RHOU: variants seen among roughly 807,000 people sequenced by gnomAD.
RHOU encodes the protein rho-related GTP-binding protein RhoU.
Under a neutral mutation model 12.6 loss-of-function variants are expected in RHOU, and 8 were observed. The ratio of observed to expected loss-of-function variants is 0.64; its 90% CI spans 0.37 to 1.15. The LOEUF is 1.15. RHOU is among the 50% of genes most tolerant of loss of function. RHOU has a pLI of 0.01. For synonymous variants in RHOU, 161 were observed against 147.4 expected (o/e 1.09, Z -0.67); for missense variants, 258 against 347.0 (o/e 0.74, Z 2.04).
the RHOU span, among the ~76,000 whole-genome samples, chr1:228,697,495 C>T: frequency 2.6e-5 from 4 of 152,204 alleles, no homozygotes; most frequent in Middle Eastern, 6.8e-3. Flanking sequence ...TCAGTAAGGC[C>T]GAGTTGCCAG....
At chr1:228,695,765 A>T in the RHOU span, among the ~76,000 whole-genome samples, 21 of 152,280 alleles carry the variant, frequency 1.4e-4, no homozygotes, top group East Asian at 3.9e-3. Context: ...AACTCTCTGA[A>T]CCCAGTCCTT....
the RHOU span, among the ~76,000 whole-genome samples, chr1:228,694,380 A>G: frequency 6.6e-6 from 1 of 152,106 alleles, no homozygotes; most frequent in African/African-American, 2.4e-5. Flanking sequence ...GGTTTGTTAC[A>G]TAGGTAAACG....
chr1:228,696,228 C>T, the RHOU span, among the ~76,000 whole-genome samples: 1 of 146,384 alleles, frequency 6.8e-6, no homozygotes, highest in African/African-American at 2.5e-5. Context: ...GAAAGGTATA[C>T]AATTAAAAAA....
At chr1:228,721,431 T>A in the RHOU span, among the ~76,000 whole-genome samples, 5 of 152,250 alleles carry the variant, frequency 3.3e-5, no homozygotes, top group Non-Finnish European at 5.9e-5. Context: ...TAATATTTTT[T>A]AAAAGGAAAT....
At chr1:228,672,151 G>A in the RHOU span, among the ~76,000 whole-genome samples, 1 of 152,178 alleles carries the variant, frequency 6.6e-6, no homozygotes, top group African/African-American at 2.4e-5. Flanking sequence ...TGATATAATT[G>A]CATTTTCATA....
chr1:228,700,888 A>G, the RHOU span, among the ~76,000 whole-genome samples: 2 of 152,048 alleles, frequency 1.3e-5, no homozygotes, highest in Non-Finnish European at 2.9e-5. Context: ...GGAGTTCAAG[A>G]TCAGCCTGGG....
the RHOU span, among the ~76,000 whole-genome samples, chr1:228,655,114 T>C: frequency 6.6e-6 from 1 of 151,834 alleles, no homozygotes; most frequent in Non-Finnish European, 1.5e-5. Context: ...TGCTTTTTTT[T>C]TTTTTTTGGA....
At chr1:228,663,248 G>C in the RHOU span, among the ~76,000 whole-genome samples, 2 of 152,170 alleles carry the variant, frequency 1.3e-5, no homozygotes, top group Non-Finnish European at 2.9e-5. Context: ...ACCTTGTGTG[G>C]TGTTCTCATT....
the RHOU span, among the ~76,000 whole-genome samples, chr1:228,672,311 G>A: frequency 2.0e-5 from 3 of 152,178 alleles, no homozygotes; most frequent in East Asian, 1.9e-4. Flanking sequence ...ACAGGTGCCC[G>A]CCACCAGACA....
chr1:228,675,548 TTA>T, the RHOU span, among the ~76,000 whole-genome samples: 1 of 152,218 alleles, frequency 6.6e-6, no homozygotes, highest in African/African-American at 2.4e-5. Flanking sequence ...TTGCATTTAT[TTA>T]TGTTTTCTTT....
chr1:228,724,933 C>G, the RHOU span, among the ~76,000 whole-genome samples: 1 of 152,186 alleles, frequency 6.6e-6, no homozygotes, highest in Non-Finnish European at 1.5e-5. Context: ...GCCTTCAACA[C>G]AAATTGATCT....
the RHOU span, among the ~76,000 whole-genome samples, chr1:228,708,054 A>G: frequency 6.6e-6 from 1 of 152,218 alleles, no homozygotes; most frequent in Non-Finnish European, 1.5e-5. Flanking sequence ...AAGAAAGGGT[A>G]TAAGTGATGG....
chr1:228,650,239 A>G, the RHOU span: 1 of 457,664 alleles, frequency 2.2e-6, no homozygotes, highest in African/African-American at 2.0e-5. Flanking sequence ...CCTGTGGAGT[A>G]CGTGGCGCTG....
At chr1:228,691,443 C>A in the RHOU span, among the ~76,000 whole-genome samples, 1 of 140,494 alleles carries the variant, frequency 7.1e-6, no homozygotes, top group African/African-American at 2.6e-5. Context: ...CAACTCCTGG[C>A]AACCACTGAT....
chr1:228,721,756 G>A, the RHOU span, among the ~76,000 whole-genome samples: 1 of 152,220 alleles, frequency 6.6e-6, no homozygotes, highest in Non-Finnish European at 1.5e-5. Context: ...CGCCACCCGG[G>A]TTCAAGAGAT....
the RHOU span, among the ~76,000 whole-genome samples, chr1:228,651,871 C>T: frequency 1.2e-3 from 179 of 152,298 alleles, no homozygotes; most frequent in Middle Eastern, 6.8e-3. Context: ...GGAAAGTAAC[C>T]CTACAGGGTT....
At chr1:228,679,562 A>G in the RHOU span, among the ~76,000 whole-genome samples, 1 of 152,028 alleles carries the variant, frequency 6.6e-6, no homozygotes, top group Non-Finnish European at 1.5e-5. Context: ...AATTTTGTTG[A>G]TAAGGCGCAG....
At chr1:228,658,503 C>T in the RHOU span, among the ~76,000 whole-genome samples, 1 of 152,168 alleles carries the variant, frequency 6.6e-6, no homozygotes, top group South Asian at 2.1e-4. Context: ...GGGGCCTTCG[C>T]TAGACACTGA....
the RHOU span, among the ~76,000 whole-genome samples, chr1:228,683,423 G>A: frequency 6.6e-5 from 10 of 152,184 alleles, no homozygotes; most frequent in South Asian, 2.1e-4. Flanking sequence ...TTAGGAGATA[G>A]GATCAGGTAG....
Sources: gnomAD v4.1 joint callset for allele counts (sites outside exome capture counted in the v4.1 genomes callset) on GRCh38, gnomAD v4.1.1 for gene constraint, MANE v1.5 for transcripts, NCBI Gene and HGNC (gene_info 2026-07-23, HGNC 2026-07-21) for gene names.